Variants in CTNNA2 observed in about 807,000 individuals in gnomAD.
CTNNA2 encodes the protein catenin alpha 2.
Under a neutral mutation model 101.0 loss-of-function variants are expected in CTNNA2, and 42 were observed. That is an observed-to-expected ratio of 0.42 (90% CI 0.32 to 0.54). The LOEUF (loss-of-function observed/expected upper bound fraction) is 0.54. CTNNA2 is among the 20% of genes least tolerant of loss of function. The probability of loss-of-function intolerance (pLI) is 0.14; values close to 1 mark genes in which losing one functional copy is unlikely to be tolerated. For missense variants in CTNNA2, 871 were observed against 1,223.1 expected, an observed-to-expected ratio of 0.71 and a Z score of 4.29; for synonymous variants, 450 against 456.4, an observed-to-expected ratio of 0.99 and a Z score of 0.18.
At chr2:79,231,870 G>A (rs1674497523) in intron 2 of CTNNA2, among the ~76,000 whole-genome samples, 1 of 151,906 alleles carries the variant, frequency 6.6e-6, no homozygotes, top group Non-Finnish European at 1.5e-5. Context: ...GAATGTTACT[G>A]GTGTATAGAA....
Position 79,596,845 on chromosome 2 carries a change from C to T in CTNNA2, c.-5-54707C>T, listed in dbSNP as rs567054031. Among the ~76,000 whole-genome samples the T allele has an allele frequency of 2.0e-5, 3 of 152,332 alleles. No individual in the cohort carries two copies. The East Asian group carries it at 5.8e-4, about 29-fold the overall frequency. ...TCCTATGCAGAAACCTTCCAGTGCT[C>T]TGCTATTCTCCAGGGCTTTTCTTGC... is the stretch of plus-strand genomic sequence containing the variant. On this transcript the variant is annotated intron_variant, in intron 1 of 18. Coordinates refer to ENST00000402739, the MANE Select transcript of CTNNA2 (RefSeq NM_001282597.3).
chr2:79,485,400 T>C (rs1363031386), intron 4 of CTNNA2, among the ~76,000 whole-genome samples: 2 of 152,316 alleles, frequency 1.3e-5, no homozygotes, highest in Non-Finnish European at 2.9e-5. Context: ...AAAATGTTTC[T>C]ACCTAGTAAA....
At chr2:79,902,467 T>G (rs910541611) in intron 6 of CTNNA2, among the ~76,000 whole-genome samples, 1 of 152,144 alleles carries the variant, frequency 6.6e-6, no homozygotes, top group Non-Finnish European at 1.5e-5. Flanking sequence ...CGATAGATTT[T>G]GCATATTAAT....
At chr2:79,238,490 A>G (rs1324255565) in intron 2 of CTNNA2, among the ~76,000 whole-genome samples, 5 of 152,338 alleles carry the variant, frequency 3.3e-5, no homozygotes, top group South Asian at 2.1e-4. Context: ...TGCTCTTGGG[A>G]AAAAATGGCA....
chr2:80,423,858 C>T (rs1032313942), intron 9 of CTNNA2, among the ~76,000 whole-genome samples: 6 of 152,096 alleles, frequency 3.9e-5, no homozygotes, highest in Non-Finnish European at 8.8e-5. Flanking sequence ...TTGTATTTCC[C>T]AATAGCAATA....
At chr2:79,514,423 G>A (rs1041239852) in intron 1 of CTNNA2, among the ~76,000 whole-genome samples, 2 of 152,164 alleles carry the variant, frequency 1.3e-5, no homozygotes, top group African/African-American at 4.8e-5. Context: ...TCTGTTTGTG[G>A]CTTACACCAA....
chr2:79,923,773 A>G (rs1252377489), intron 7 of CTNNA2, among the ~76,000 whole-genome samples: 1 of 152,104 alleles, frequency 6.6e-6, no homozygotes, highest in Non-Finnish European at 1.5e-5. Context: ...AGCCTTTGGA[A>G]CTGTTTCTCT....
At chr2:80,606,572 A>G (rs773721580) in intron 16 of CTNNA2, among the ~76,000 whole-genome samples, 4 of 151,898 alleles carry the variant, frequency 2.6e-5, no homozygotes, top group Non-Finnish European at 5.9e-5. Context: ...TGATAAAGAA[A>G]TCTTCAGAAA....
intron 7 of CTNNA2, among the ~76,000 whole-genome samples, chr2:80,043,040 C>CCTCTTTCTTTCTTTCT (rs1491166122): frequency 7.6e-5 from 4 of 52,738 alleles, no homozygotes. Flanking sequence ...TCTTTCTTTC[C>CCTCTTTCTTTCTTTCT]TTCTTTCTTT....
At chr2:79,917,960 G>C (rs1383902695) in intron 7 of CTNNA2, among the ~76,000 whole-genome samples, 1 of 152,166 alleles carries the variant, frequency 6.6e-6, no homozygotes, top group African/African-American at 2.4e-5. Flanking sequence ...GTAACATCCA[G>C]GCCCTGTGGG....
chr2:79,258,627 G>GA, intron 2 of CTNNA2, among the ~76,000 whole-genome samples: 1 of 152,116 alleles, frequency 6.6e-6, no homozygotes, highest in African/African-American at 2.4e-5. Flanking sequence ...GTTTTTCAGA[G>GA]AAAATAGATT....
chr2:79,898,575 G>T lies in CTNNA2; in HGVS notation c.853-11019G>T, dbSNP rs188099810. On this transcript the variant is annotated intron_variant, in intron 6 of 18. Coordinates refer to ENST00000402739, the MANE Select transcript of CTNNA2 (RefSeq NM_001282597.3). Reference sequence around the variant, plus strand: ...TCATCAAGTCACCTAACCTGACCGAGGAACGGTTCTTGCATTTATAAAGTG... The same window carrying T: ...TCATCAAGTCACCTAACCTGACCGATGAACGGTTCTTGCATTTATAAAGTG... 2.8e-4 allele frequency among the ~76,000 whole-genome samples: 42 copies of T among 152,220 alleles called. No individual in the cohort carries two copies. In the East Asian group the frequency reaches 7.5e-3, roughly 27 times the overall value.
rs188293681 is a variant in CTNNA2, at chr2:80,498,868, G to A, written c.1291-46114G>A. On this transcript the variant is annotated intron_variant, in intron 9 of 18. Transcript: ENST00000402739. Reference sequence around the variant, plus strand: ...TTTATTAATTGGCTTCTGACTTATGGAGCTATATTTACAGCTCTGTGAGGT... The same window carrying A: ...TTTATTAATTGGCTTCTGACTTATGAAGCTATATTTACAGCTCTGTGAGGT... 2.5e-3 allele frequency among the ~76,000 whole-genome samples: 379 copies of A among 152,192 alleles called. 3 individuals are homozygous for A. The highest frequency in any genetic ancestry group is 8.5e-3 in the African/African-American group (354 of 41,524).
intron 7 of CTNNA2, among the ~76,000 whole-genome samples, chr2:80,363,009 A>G: frequency 6.7e-6 from 1 of 150,210 alleles, no homozygotes; most frequent in African/African-American, 2.5e-5. Context: ...CGTCTCAAAA[A>G]AAAAAAAAAA....
intron 7 of CTNNA2, among the ~76,000 whole-genome samples, chr2:79,978,648 C>G (rs1156947080): frequency 6.6e-6 from 1 of 152,114 alleles, no homozygotes; most frequent in Non-Finnish European, 1.5e-5. Context: ...TCATATCTGT[C>G]CATTTGCTTC....
Position 80,232,341 on chromosome 2 carries a change from GTTTGTTTTTTTTTTTT to G in CTNNA2, c.1057-160866_1057-160851del, listed in dbSNP as rs1432201586. ...TTGGGTTTTGTTTGTTTGTTTGTTT[GTTTGTTTTTTTTTTTT>G]TTTTTTTTTTTTTTTTTTTTTTTTT... is the stretch of plus-strand genomic sequence containing the variant. On this transcript the variant is annotated intron_variant, in intron 7 of 18. Transcript: ENST00000402739. Among the ~76,000 whole-genome samples the G allele has an allele frequency of 5.4e-3, 445 of 82,024 alleles. 9 individuals carry two copies. The highest frequency in any genetic ancestry group is 0.014 in the African/African-American group (411 of 30,362). The allele number at this position is 82,024 out of a possible 152,430, so 53.8% of individuals were successfully genotyped here.
In CTNNA2 at chr2:80,376,647, T is replaced by TTA. The variant is rs1491115671; in HGVS notation, c.1057-16564_1057-16563insTA. On this transcript the variant is annotated intron_variant, in intron 7 of 18. Transcript: ENST00000402739. ...GGTGGAGAGGACATTTAGAAAAGAA[T>TTA]GTTTTTCTTGCTGTTCAGACCCAGC... Among the ~76,000 whole-genome samples the TTA allele has an allele frequency of 2.4e-3, 359 of 152,292 alleles. 2 individuals carry two copies. Among genetic ancestry groups the TTA allele is most frequent in the African/African-American group, 8.3e-3 (346 of 41,560 alleles).
intron 2 of CTNNA2, among the ~76,000 whole-genome samples, chr2:79,221,985 C>T (rs1334188826): frequency 1.3e-5 from 2 of 152,040 alleles, no homozygotes; most frequent in African/African-American, 4.8e-5. Context: ...GAGGCCTTTT[C>T]TGTGTCCAGA....
chr2:79,748,471 A>G (rs1409795459), intron 3 of CTNNA2, among the ~76,000 whole-genome samples: 1 of 152,210 alleles, frequency 6.6e-6, no homozygotes, highest in African/African-American at 2.4e-5. Context: ...TGTTGTGGGA[A>G]TGAAATCTGT....
Sources: gnomAD v4.1 joint callset for allele counts (sites outside exome capture counted in the v4.1 genomes callset) on GRCh38, gnomAD v4.1.1 for gene constraint, MANE v1.5 for transcripts, NCBI Gene and HGNC (gene_info 2026-07-23, HGNC 2026-07-21) for gene names.